The following AUTS2 variants were observed in gnomAD, a reference collection of about 807,000 sequenced individuals.
AUTS2 encodes autism susceptibility gene 2 protein.
AUTS2 carries 17 observed loss-of-function variants against 112.4 expected under a neutral mutation model. That is an observed-to-expected ratio of 0.15 (90% confidence interval 0.10 to 0.23). The LOEUF is 0.23. AUTS2 is among the 10% of genes least tolerant of loss of function. The pLI is 1.00. For missense variants in AUTS2, 1,510 were observed against 1,701.6 expected (o/e 0.89, Z 1.98); for synonymous variants, 751 against 702.7 (o/e 1.07, Z -1.09).
intron 4 of AUTS2, among the ~76,000 whole-genome samples, chr7:70,361,190 G>A (rs942376596): frequency 1.3e-5 from 2 of 152,100 alleles, no homozygotes; most frequent in African/African-American, 4.8e-5. Flanking sequence ...AAAATTAGCT[G>A]GGCGTGGTGG....
chr7:70,002,530 AT>A (rs1799244698), intron 2 of AUTS2, among the ~76,000 whole-genome samples: 1 of 152,128 alleles, frequency 6.6e-6, no homozygotes, highest in Non-Finnish European at 1.5e-5. Flanking sequence ...CAGGACACAT[AT>A]AGATTTTAAC....
intron 5 of AUTS2, among the ~76,000 whole-genome samples, chr7:70,677,130 TCTC>T (rs1224901933): frequency 3.9e-5 from 6 of 152,176 alleles, no homozygotes; most frequent in Non-Finnish European, 5.9e-5. Context: ...ATTTTTGAGT[TCTC>T]CTCCTCCTGG....
In AUTS2 at chr7:70,085,924, TA is replaced by T. The variant is rs35205390; in HGVS notation, c.523-32197del. Among the ~76,000 whole-genome samples, 308 of 149,194 alleles carry T rather than the reference TA, an allele frequency of 2.1e-3. 1 individual carries two copies. The highest frequency in any genetic ancestry group is 6.2e-3 in the African/African-American group (255 of 40,824). On this transcript the variant is annotated intron_variant, in intron 2 of 18. Transcript: ENST00000342771. ...TTTTTTCTATTTCTTAAGGGTTGTATAAAAAAAAAAATTAAAGGAAATGTGA... is the reference window on the plus strand; with the variant it reads ...TTTTTTCTATTTCTTAAGGGTTGTATAAAAAAAAAATTAAAGGAAATGTGA...
chr7:70,172,297 T>TA (rs1165823449), intron 4 of AUTS2, among the ~76,000 whole-genome samples: 1 of 152,178 alleles, frequency 6.6e-6, no homozygotes, highest in Admixed American at 6.5e-5. Flanking sequence ...AGGCAGGAAA[T>TA]ACAGCTTTCC....
At chr7:70,020,369 G>A (rs1800215250) in intron 2 of AUTS2, among the ~76,000 whole-genome samples, 1 of 152,114 alleles carries the variant, frequency 6.6e-6, no homozygotes, top group Non-Finnish European at 1.5e-5. Flanking sequence ...CTCATAGTTG[G>A]CACTTAAAAC....
At chr7:69,707,704 T>C (rs1190898503) in intron 1 of AUTS2, among the ~76,000 whole-genome samples, 1 of 152,210 alleles carries the variant, frequency 6.6e-6, no homozygotes, top group African/African-American at 2.4e-5. Flanking sequence ...GATTAACATA[T>C]ATGAATCTGG....
intron 5 of AUTS2, among the ~76,000 whole-genome samples, chr7:70,511,330 T>C (rs1374169499): frequency 1.3e-5 from 2 of 151,712 alleles, no homozygotes; most frequent in African/African-American, 4.8e-5. Flanking sequence ...AATTTCCAAA[T>C]GCGGAAACTG....
intron 2 of AUTS2, among the ~76,000 whole-genome samples, chr7:69,901,317 G>A (rs1053118046): frequency 2.0e-5 from 3 of 151,728 alleles, no homozygotes; most frequent in Admixed American, 6.6e-5. Context: ...TAAGAAGGAA[G>A]CCTTCTTACT....
chr7:69,784,345 T>A (rs1789273305), intron 1 of AUTS2, among the ~76,000 whole-genome samples: 1 of 152,124 alleles, frequency 6.6e-6, no homozygotes, highest in Non-Finnish European at 1.5e-5. Flanking sequence ...GAGGAGAGCC[T>A]CTCCTTCGCA....
chr7:70,526,435 G>A (rs980661993), intron 5 of AUTS2, among the ~76,000 whole-genome samples: 14 of 152,284 alleles, frequency 9.2e-5, no homozygotes, highest in African/African-American at 2.4e-4. Context: ...ACTTTGGGAG[G>A]CCAAGGCGGG....
intron 4 of AUTS2, among the ~76,000 whole-genome samples, chr7:70,280,445 G>A (rs377032315): frequency 0.015 from 2,132 of 145,702 alleles, 22 homozygotes; most frequent in Middle Eastern, 0.032. Context: ...CACCATGCCC[G>A]GCTGATTTTT....
intron 6 of AUTS2, among the ~76,000 whole-genome samples, chr7:70,758,784 A>G (rs539263335): frequency 6.6e-6 from 1 of 152,308 alleles, no homozygotes; most frequent in Admixed American, 6.5e-5. Context: ...GTTGCTGCCA[A>G]TTTTGGAGAA....
chr7:70,610,412 T>G (rs1195002814), intron 5 of AUTS2, among the ~76,000 whole-genome samples: 1 of 146,224 alleles, frequency 6.8e-6, no homozygotes, highest in Admixed American at 6.8e-5. Flanking sequence ...TCACCAAAAC[T>G]TAGCGCTCAT....
chr7:70,333,833 G>A (rs1790870717), intron 4 of AUTS2, among the ~76,000 whole-genome samples: 2 of 152,252 alleles, frequency 1.3e-5, no homozygotes, highest in South Asian at 4.2e-4. Context: ...GGGAGGGATA[G>A]CATTAGCAGA....
intron 2 of AUTS2, among the ~76,000 whole-genome samples, chr7:70,050,765 C>A: frequency 6.6e-6 from 1 of 152,230 alleles, no homozygotes; most frequent in Non-Finnish European, 1.5e-5. Context: ...GAGGCCAAGA[C>A]GAATGGATCA....
rs996215598 is a variant in AUTS2, at chr7:70,387,538, A to G, written c.661-48214A>G. Among the ~76,000 whole-genome samples, 31 of 152,130 alleles carry G rather than the reference A, an allele frequency of 2.0e-4. 1 individual carries two copies. Among genetic ancestry groups the G allele is most frequent in the African/African-American group, 6.8e-4 (28 of 41,438 alleles). ...AACTATGTGGATAACTTCCAAAACT[A>G]TCTTCACCACTTGGATGTCCTGCCA... On this transcript the variant is annotated intron_variant, in intron 4 of 18. Transcript: ENST00000342771.
At chr7:69,842,306 T>G (rs1331844881) in intron 1 of AUTS2, among the ~76,000 whole-genome samples, 1 of 152,212 alleles carries the variant, frequency 6.6e-6, no homozygotes, top group East Asian at 1.9e-4. Flanking sequence ...AAATTAGATT[T>G]TATAAGGAAC....
At chr7:70,721,279 C>CAT in intron 6 of AUTS2, among the ~76,000 whole-genome samples, 1 of 140,156 alleles carries the variant, frequency 7.1e-6, no homozygotes, top group South Asian at 2.4e-4. Flanking sequence ...GAATTTCATT[C>CAT]GTGTGTGTGT....
At chr7:69,650,674 A>T (rs1795248749) in intron 1 of AUTS2, among the ~76,000 whole-genome samples, 1 of 152,184 alleles carries the variant, frequency 6.6e-6, no homozygotes, top group Non-Finnish European at 1.5e-5. Context: ...CCCTTTCTGG[A>T]TGTAGGTCCC....
Sources: gnomAD v4.1 joint callset for allele counts (sites outside exome capture counted in the v4.1 genomes callset) on GRCh38, gnomAD v4.1.1 for gene constraint, MANE v1.5 for transcripts, NCBI Gene and HGNC (gene_info 2026-07-23, HGNC 2026-07-21) for gene names.